The following KLHL24 variants were observed in gnomAD, a reference collection of about 807,000 sequenced individuals.
The protein encoded by KLHL24 is kelch like family member 24, also known as kelch-like protein 24.
KLHL24 carries 29 observed loss-of-function variants against 53.4 expected under a neutral mutation model. The ratio of observed to expected loss-of-function variants is 0.54; its 90% CI spans 0.40 to 0.74. The LOEUF (loss-of-function observed/expected upper bound fraction) is 0.74, where lower values mean the gene tolerates loss of function less well. KLHL24 is among the 30% of genes least tolerant of loss of function. The probability of loss-of-function intolerance (pLI) is 0.00; values close to 1 mark genes in which losing one functional copy is unlikely to be tolerated. For synonymous variants in KLHL24, 222 were observed against 253.7 expected (o/e 0.88, Z 1.19); for missense variants, 504 against 744.0 (o/e 0.68, Z 3.75).
intron 3 of KLHL24, among the ~76,000 whole-genome samples, chr3:183,656,798 G>A (rs999457237): frequency 4.1e-4 from 62 of 151,542 alleles, no homozygotes; most frequent in Non-Finnish European, 6.3e-4. Flanking sequence ...AGTGGCTCAC[G>A]CCTGTAATCC....
At chr3:183,669,470 G>A (rs576223002) in intron 5 of KLHL24, among the ~76,000 whole-genome samples, 21 of 152,260 alleles carry the variant, frequency 1.4e-4, no homozygotes, top group Admixed American at 3.9e-4. Flanking sequence ...TTGCTACATC[G>A]TGCCACAGGT....
In KLHL24 at chr3:183,679,533, TGTAA is replaced by T; in HGVS notation, c.*251_*254del. Reference sequence around the variant, plus strand: ...ACTTGGCCTTTGAAGAGTGTACCTTTGTAAGTATTTGTAAGAAGTCTATGTGAAT... The same window carrying T: ...ACTTGGCCTTTGAAGAGTGTACCTTTGTATTTGTAAGAAGTCTATGTGAAT... On this transcript the variant is annotated 3_prime_UTR_variant, in exon 8 of 8. Transcript: ENST00000242810. 2.4e-6 allele frequency: 1 copy of T among 422,108 alleles called. No homozygotes were observed. Among genetic ancestry groups the T allele is most frequent in the South Asian group, 3.0e-5 (1 of 32,804 alleles). 26.1% of individuals were successfully genotyped at this position (422,108 alleles called of 1,614,324 possible). A position where few individuals can be genotyped will look rare whatever the true frequency, so the allele number is the denominator to read the frequency against.
chr3:183,674,862 C>G lies in KLHL24; in HGVS notation c.1602+2378C>G, dbSNP rs141355567. On this transcript the variant is annotated intron_variant, in intron 7 of 7. Coordinates refer to ENST00000242810, the MANE Select transcript of KLHL24 (RefSeq NM_017644.3). ...TCTAAACAGATCATAAATGTTCTTG[C>G]CCTGGTTCATGCTGTCTTCTTATCC... Among the ~76,000 whole-genome samples the G allele has an allele frequency of 7.1e-3, 1,074 of 152,262 alleles. 4 individuals carry two copies. The highest frequency in any genetic ancestry group is 0.01 in the Non-Finnish European group (705 of 68,014).
intron 7 of KLHL24, 50 bp downstream of exon 7, chr3:183,672,534 G>A (rs1413690365): frequency 7.8e-7 from 1 of 1,290,216 alleles, no homozygotes; most frequent in Non-Finnish European, 1.1e-6. Flanking sequence ...GAGGGACCAA[G>A]TACATAATCA....
rs1712880114 is a variant in KLHL24 at position 183,683,256 on chromosome 3, G to C, written c.*3970G>C. ...CTGTATTTTCAGAGAGGAGAGCTTG[G>C]TGTTTTTGTGGTGCCAAGTGGTAAG... On this transcript the variant is annotated 3_prime_UTR_variant, in exon 8 of 8. Transcript: ENST00000242810. 1 of 152,644 alleles carries C rather than the reference G, an allele frequency of 6.6e-6. No individual in the cohort carries two copies. Among genetic ancestry groups the C allele is most frequent in the Non-Finnish European group, 1.5e-5 (1 of 68,092 alleles). The allele number at this position is 152,644 out of a possible 1,614,324, so 9.5% of individuals were successfully genotyped here.
Position 183,650,150 on chromosome 3 carries a change from A to C in KLHL24, c.-61-146A>C, listed in dbSNP as rs1717928035. On this transcript the variant is annotated intron_variant, in intron 2 of 7. Transcript: ENST00000242810. This position sits in a 1 kb window ranked among gnomAD's most constrained non-coding sequence, Gnocchi z 4.5. ...GTTCAAATGCAAATTTTTGTTGATT[A>C]GTTTTTATTAACATGAGATAGTGCT... 6.2e-6 allele frequency: 3 copies of C among 481,434 alleles called. No individual in the cohort carries two copies. Among genetic ancestry groups the C allele is most frequent in the Non-Finnish European group, 1.1e-5 (3 of 277,148 alleles). The allele number at this position is 481,434 out of a possible 1,614,324, so 29.8% of individuals were successfully genotyped here. A position where few individuals can be genotyped will look rare whatever the true frequency, so the allele number is the denominator to read the frequency against.
chr3:183,653,850 G>A (rs766407671), intron 3 of KLHL24, among the ~76,000 whole-genome samples: 5 of 152,014 alleles, frequency 3.3e-5, no homozygotes, highest in Non-Finnish European at 4.4e-5. Flanking sequence ...GTTGGTGGCC[G>A]CCTAAATAAA....
At chr3:183,652,730 A>G (rs978658845) in intron 3 of KLHL24, among the ~76,000 whole-genome samples, 2 of 152,350 alleles carry the variant, frequency 1.3e-5, no homozygotes, top group South Asian at 4.1e-4. Flanking sequence ...TAATGTATTA[A>G]TTAAGAAAAC....
rs1282092664 is a variant in KLHL24, at chr3:183,663,123, A to G, written c.921-335A>G. ...TTGTGTGGTTATGCGTATCTGAATC[A>G]CTGCAAAACTGCATTTGAAAGTCAT... On this transcript the variant is annotated intron_variant, in intron 3 of 7. Coordinates refer to ENST00000242810, the MANE Select transcript of KLHL24 (RefSeq NM_017644.3). The surrounding 1 kb of genome is among the most constrained non-coding windows in gnomAD (Gnocchi z 4.9). 6.6e-6 allele frequency among the ~76,000 whole-genome samples: 1 copy of G among 152,216 alleles called. No individual in the cohort carries two copies. Among genetic ancestry groups the G allele is most frequent in the Non-Finnish European group, 1.5e-5 (1 of 68,042 alleles).
rs1434288067 is a variant in KLHL24 at position 183,661,073 on chromosome 3, A to AAAAC, written c.921-2382_921-2381insCAAA. On this transcript the variant is annotated intron_variant, in intron 3 of 7. Transcript: ENST00000242810. ...GAGCGAGACTCCGTCTCAAAAAAAA[A>AAAAC]AAAAAAAAAAAAAATTCACTAGATG... Among the ~76,000 whole-genome samples the AAAAC allele has an allele frequency of 2.4e-5, 3 of 126,180 alleles. 1 individual carries two copies. Among genetic ancestry groups the AAAAC allele is most frequent in the African/African-American group, 1.1e-4 (3 of 28,276 alleles). The allele number at this position is 126,180 out of a possible 152,430, so 82.8% of individuals were successfully genotyped here.
chr3:183,660,392 C>G (rs1353319728), intron 3 of KLHL24, among the ~76,000 whole-genome samples: 1 of 152,052 alleles, frequency 6.6e-6, no homozygotes, highest in Non-Finnish European at 1.5e-5. Context: ...TTTTAGCCTA[C>G]CAAAGTATTC....
At chr3:183,668,638 G>A (rs1451772369) in intron 5 of KLHL24, among the ~76,000 whole-genome samples, 1 of 152,222 alleles carries the variant, frequency 6.6e-6, no homozygotes, top group Non-Finnish European at 1.5e-5. Flanking sequence ...CGGGTGCGGT[G>A]GCTCACGCCT....
intron 7 of KLHL24, among the ~76,000 whole-genome samples, chr3:183,673,481 G>C (rs1721641994): frequency 6.6e-6 from 1 of 151,622 alleles, no homozygotes; most frequent in East Asian, 1.9e-4. Flanking sequence ...TCCCAAACTT[G>C]TTGTTTCTTT....
At chr3:183,653,716 G>C (rs929952534) in intron 3 of KLHL24, among the ~76,000 whole-genome samples, 1 of 152,148 alleles carries the variant, frequency 6.6e-6, no homozygotes, top group Non-Finnish European at 1.5e-5. Flanking sequence ...GAGAATTTTA[G>C]GGGGAGACTG....
chr3:183,663,034 G>A lies in KLHL24; in HGVS notation c.921-424G>A, dbSNP rs1233103977. Among the ~76,000 whole-genome samples, 1 of 152,066 alleles carries A rather than the reference G, an allele frequency of 6.6e-6. No individual in the cohort carries two copies. Among genetic ancestry groups the A allele is most frequent in the Non-Finnish European group, 1.5e-5 (1 of 68,014 alleles). ...GATTATACTATGAATTAGTTTTTTA[G>A]AACTAGCAAGCTGATGAAAGAGCAC... On this transcript the variant is annotated intron_variant, in intron 3 of 7. Coordinates refer to ENST00000242810, the MANE Select transcript of KLHL24 (RefSeq NM_017644.3). This position sits in a 1 kb window ranked among gnomAD's most constrained non-coding sequence, Gnocchi z 4.9.
chr3:183,644,294 G>A (rs1716920643), intron 2 of KLHL24: 1 of 152,178 alleles, frequency 6.6e-6, no homozygotes, highest in African/African-American at 2.4e-5. Context: ...TCATGTGGAA[G>A]CCCAAAAGAT....
chr3:183,650,587 T>C lies in KLHL24; in HGVS notation c.231T>C (p.Phe77=). ...DVIICVEGKE[F]PCHRAVLSAC... is the part of the protein sequence containing the mutation. ...TCATTTGTGTGGAAGGAAAAGAATT[T>C]CCTTGCCATAGAGCTGTGCTCTCAG... The change falls in exon 3 of 8, where the codon TTT becomes TTC. Residue 77 remains phenylalanine (F), a synonymous_variant. Transcript: ENST00000242810. This position sits in a 1 kb window ranked among gnomAD's most constrained non-coding sequence, Gnocchi z 4.5. The C allele has an allele frequency of 6.2e-7, 1 of 1,614,152 alleles. No homozygotes were observed. Among genetic ancestry groups the C allele is most frequent in the Non-Finnish European group, 8.5e-7 (1 of 1,179,972 alleles).
intron 3 of KLHL24, among the ~76,000 whole-genome samples, chr3:183,655,111 C>A (rs1718663006): frequency 6.6e-6 from 1 of 152,146 alleles, no homozygotes; most frequent in South Asian, 2.1e-4. Context: ...CAGAGCTCAA[C>A]CCATAATAGA....
chr3:183,649,583 G>C (rs1717841271), intron 2 of KLHL24, among the ~76,000 whole-genome samples: 1 of 151,950 alleles, frequency 6.6e-6, no homozygotes, highest in Non-Finnish European at 1.5e-5. Context: ...GCTATTGATA[G>C]ATATAGCTAA....
Sources: allele counts gnomAD v4.1 joint callset (sites outside exome capture counted in the v4.1 genomes callset), GRCh38; gene constraint gnomAD v4.1.1; non-coding constraint Gnocchi (gnomAD v3.1); transcripts MANE v1.5; gene names NCBI Gene and HGNC (gene_info 2026-07-23, HGNC 2026-07-21).